The following RASSF8 variants were observed in gnomAD, a reference collection of about 807,000 sequenced individuals.
RASSF8 encodes ras association domain-containing protein 8.
Under a neutral mutation model 48.5 loss-of-function variants are expected in RASSF8, and 22 were observed. The ratio of observed to expected loss-of-function variants is 0.45; its 90% CI spans 0.32 to 0.65. The LOEUF (loss-of-function observed/expected upper bound fraction) is 0.65, where lower values mean the gene tolerates loss of function less well. Among genes scored for constraint, RASSF8 ranks in the 30% least tolerant of loss-of-function variants. The probability of loss-of-function intolerance (pLI) is 0.03; values close to 1 mark genes in which losing one functional copy is unlikely to be tolerated. For missense variants in RASSF8, 418 were observed against 489.2 expected (o/e 0.85, Z 1.37); for synonymous variants, 127 against 171.5 (o/e 0.74, Z 2.03).
chr12:25,996,847 G>A (rs1256986847), intron 2 of RASSF8, among the ~76,000 whole-genome samples: 2 of 152,170 alleles, frequency 1.3e-5, no homozygotes, highest in Non-Finnish European at 2.9e-5. Flanking sequence ...ACAGGAGAGG[G>A]ACTTCCCTAA....
chr12:26,021,571 A>G (rs567945586), intron 2 of RASSF8: 4 of 152,414 alleles, frequency 2.6e-5, no homozygotes, highest in African/African-American at 9.6e-5. Context: ...GCCCCTACGC[A>G]TAGGGCAGAG....
chr12:25,960,579 T>C (rs1941207310), intron 1 of RASSF8, among the ~76,000 whole-genome samples: 1 of 152,180 alleles, frequency 6.6e-6, no homozygotes, highest in Non-Finnish European at 1.5e-5. Context: ...CTGAACATAG[T>C]TTGATGATTA....
At chr12:25,960,268 C>T (rs1354204785) in intron 1 of RASSF8, among the ~76,000 whole-genome samples, 1 of 152,026 alleles carries the variant, frequency 6.6e-6, no homozygotes, top group African/African-American at 2.4e-5. Flanking sequence ...TTGGAGTTGC[C>T]AGGAGTTGCC....
chr12:25,976,275 G>C (rs1941602842), intron 1 of RASSF8, among the ~76,000 whole-genome samples: 1 of 152,218 alleles, frequency 6.6e-6, no homozygotes, highest in African/African-American at 2.4e-5. Flanking sequence ...GACCTTTTCT[G>C]TCTGGAGGAT....
chr12:26,063,208 T>C (rs1943785149), intron 3 of RASSF8, among the ~76,000 whole-genome samples: 1 of 152,218 alleles, frequency 6.6e-6, no homozygotes. Context: ...TTTTTTTTCT[T>C]TGTAATTATT....
intron 2 of RASSF8, among the ~76,000 whole-genome samples, chr12:26,045,364 T>C (rs1389860863): frequency 6.6e-6 from 1 of 152,184 alleles, no homozygotes; most frequent in Non-Finnish European, 1.5e-5. Flanking sequence ...AATTTTAACA[T>C]TGAAGTCCAA....
At position 26,065,214 on chromosome 12, in the gene RASSF8, G is replaced by A. The variant is rs916857430; in HGVS notation, c.820G>A (p.Ala274Thr). The change falls in exon 4 of 6, where the codon GCA becomes ACA. Residue 274 changes from alanine to threonine, a missense_variant. Coordinates refer to ENST00000689635, the MANE Select transcript of RASSF8 (RefSeq NM_001394098.1). Reference protein sequence around the residue: ...QIRTMESGLEAEKLQREVQEA... With the variant: ...QIRTMESGLETEKLQREVQEA... Reference sequence around the variant, plus strand: ...CCGGACTATGGAAAGTGGTCTTGAAGCAGAAAAATTGCAACGGGAAGTTCA... The same window carrying A: ...CCGGACTATGGAAAGTGGTCTTGAAACAGAAAAATTGCAACGGGAAGTTCA... The A allele has an allele frequency of 1.2e-6, 2 of 1,614,058 alleles. No homozygotes were observed. The highest frequency in any genetic ancestry group is 2.7e-5 in the African/African-American group (2 of 74,934).
At chr12:26,038,133 A>G (rs1943190334) in intron 2 of RASSF8, among the ~76,000 whole-genome samples, 1 of 152,158 alleles carries the variant, frequency 6.6e-6, no homozygotes, top group African/African-American at 2.4e-5. Flanking sequence ...TATGCTTTGG[A>G]TGAACTAATG....
intron 2 of RASSF8, among the ~76,000 whole-genome samples, chr12:26,004,239 A>G (rs1220267744): frequency 6.6e-6 from 1 of 152,234 alleles, no homozygotes; most frequent in Admixed American, 6.5e-5. Context: ...CAAGGGGCAT[A>G]TCACAGTCTC....
chr12:26,048,911 AC>A (rs1338583502), intron 2 of RASSF8, among the ~76,000 whole-genome samples: 1 of 151,252 alleles, frequency 6.6e-6, no homozygotes, highest in Non-Finnish European at 1.5e-5. Flanking sequence ...CCACCACCAT[AC>A]CCAGCTAATT....
At chr12:26,061,460 A>C (rs1943740426) in intron 3 of RASSF8, among the ~76,000 whole-genome samples, 1 of 152,156 alleles carries the variant, frequency 6.6e-6, no homozygotes, top group African/African-American at 2.4e-5. Flanking sequence ...TTAAAAGTAT[A>C]ATTAATATTT....
chr12:26,047,357 T>A (rs2137192552), intron 2 of RASSF8, among the ~76,000 whole-genome samples: 2 of 152,334 alleles, frequency 1.3e-5, no homozygotes, highest in East Asian at 3.9e-4. Flanking sequence ...TTGCTAATGT[T>A]CTTATATCAA....
chr12:25,965,155 A>T (rs1221862815), intron 1 of RASSF8, among the ~76,000 whole-genome samples: 1 of 151,968 alleles, frequency 6.6e-6, no homozygotes, highest in Non-Finnish European at 1.5e-5. Context: ...GTTAGCCAGG[A>T]TGGTCTTGAT....
At chr12:26,004,948 G>T (rs1942351473) in intron 2 of RASSF8, among the ~76,000 whole-genome samples, 1 of 152,120 alleles carries the variant, frequency 6.6e-6, no homozygotes, top group African/African-American at 2.4e-5. Context: ...GAGGCCATGG[G>T]TTTGAGGCCA....
At chr12:26,049,148 C>T (rs1261899388) in intron 2 of RASSF8, among the ~76,000 whole-genome samples, 2 of 152,150 alleles carry the variant, frequency 1.3e-5, no homozygotes, top group African/African-American at 2.4e-5. Flanking sequence ...AGATAGATGT[C>T]ACAGAAGAAT....
intron 2 of RASSF8, among the ~76,000 whole-genome samples, chr12:26,001,760 C>A (rs906241496): frequency 6.6e-6 from 1 of 151,852 alleles, no homozygotes; most frequent in Non-Finnish European, 1.5e-5. Flanking sequence ...CCTGAAGGAC[C>A]TGCCTGAGGC....
At chr12:25,973,063 A>G (rs1334847188) in intron 1 of RASSF8, among the ~76,000 whole-genome samples, 12 of 152,060 alleles carry the variant, frequency 7.9e-5, no homozygotes, top group Admixed American at 7.9e-4. Context: ...GTTTTGAGAC[A>G]GGGTCTCACT....
chr12:25,975,152 A>G (rs1941575882), intron 1 of RASSF8, among the ~76,000 whole-genome samples: 1 of 152,212 alleles, frequency 6.6e-6, no homozygotes, highest in African/African-American at 2.4e-5. Flanking sequence ...AGACTTGAGG[A>G]TGAAAGGCAT....
intron 3 of RASSF8, among the ~76,000 whole-genome samples, chr12:26,059,408 ATTACT>A (rs1943690007): frequency 6.6e-6 from 1 of 152,216 alleles, no homozygotes; most frequent in Non-Finnish European, 1.5e-5. Flanking sequence ...TTAAAAATTG[ATTACT>A]TTTCTACATT....
Sources: allele counts gnomAD v4.1 joint callset (sites outside exome capture counted in the v4.1 genomes callset), GRCh38; gene constraint gnomAD v4.1.1; transcripts MANE v1.5; gene names NCBI Gene and HGNC (gene_info 2026-07-23, HGNC 2026-07-21).